The following LPIN3 variants were observed in gnomAD, a reference collection of about 807,000 sequenced individuals.
The protein encoded by LPIN3 is phosphatidate phosphatase LPIN3.
In LPIN3, 82 loss-of-function variants were observed where a neutral mutation model predicts 94.7. That is an observed-to-expected ratio of 0.87 (90% CI 0.72 to 1.04). LPIN3 has a LOEUF of 1.04. Ranked by LOEUF, LPIN3 falls within the 50% of genes least tolerant of loss-of-function variation. The pLI is 0.00. For synonymous variants in LPIN3, 418 were observed against 443.3 expected, an observed-to-expected ratio of 0.94 and a Z score of 0.72; for missense variants, 996 against 1,090.5, an observed-to-expected ratio of 0.91 and a Z score of 1.22.
At chr20:41,343,263 C>T (rs1290461617) in intron 1 of LPIN3, among the ~76,000 whole-genome samples, 5 of 152,224 alleles carry the variant, frequency 3.3e-5, no homozygotes, top group African/African-American at 9.6e-5. Context: ...GCCCCAACCC[C>T]GGCTCTGCCC....
rs1407169544 is a variant in LPIN3, at chr20:41,349,770, G to A, written c.639-4G>A. The A allele has an allele frequency of 2.5e-6, 4 of 1,612,082 alleles. No individual in the cohort carries two copies. The highest frequency in any genetic ancestry group is 3.4e-6 in the Non-Finnish European group (4 of 1,179,374). On this transcript the variant is annotated splice_region_variant and splice_polypyrimidine_tract_variant and intron_variant, in intron 5 of 19. Transcript: ENST00000373257. Reference sequence around the variant, plus strand: ...CTCAAGGCCTCTCAATATGTCTCCTGCAGCCTCTCAGCAGGTGAGCTAACA... The same window carrying A: ...CTCAAGGCCTCTCAATATGTCTCCTACAGCCTCTCAGCAGGTGAGCTAACA...
At chr20:41,345,085 C>T (rs1442568587) in intron 1 of LPIN3, among the ~76,000 whole-genome samples, 1 of 152,244 alleles carries the variant, frequency 6.6e-6, no homozygotes. Context: ...AGACACCTTC[C>T]AACTCACAGG....
At chr20:41,358,685 C>A (rs75320465) in intron 19 of LPIN3, 37 bp from the exon 20 acceptor site, 1 of 1,608,860 alleles carries the variant, frequency 6.2e-7, no homozygotes, top group Non-Finnish European at 8.5e-7. Context: ...CGTTTGGTGG[C>A]AGCTCAGGCT....
chr20:41,344,097 T>A (rs2045685149), intron 1 of LPIN3, among the ~76,000 whole-genome samples: 1 of 151,952 alleles, frequency 6.6e-6, no homozygotes, highest in Admixed American at 6.6e-5. Flanking sequence ...AAGAAAAATA[T>A]GCAGATGCTG....
intron 2 of LPIN3, 97 bp downstream of exon 2, chr20:41,346,092 A>C (rs988818553): frequency 1.6e-6 from 2 of 1,276,870 alleles, no homozygotes; most frequent in Admixed American, 2.2e-5. Flanking sequence ...GGCCTCCCTT[A>C]GGTGGGGATC....
In LPIN3 at chr20:41,348,812, C is replaced by G. The variant is rs1452652993; in HGVS notation, c.482C>G (p.Ser161Cys). ...AAAGAGGATGCAGTGGCAACTGATT[C>G]TAGTCCAGAGGAACTGGAGGCAGGC... The part of the protein sequence containing the change: ...KQKEDAVATD[S>C]SPEELEAGAE... Residue 161 changes from serine (S) to cysteine (C), a missense_variant, in exon 4 of 20, where the codon TCT (serine) becomes TGT (cysteine). Transcript: ENST00000373257. 2.5e-6 allele frequency: 4 copies of G among 1,611,658 alleles called. No homozygotes were observed. The Admixed American group carries it at 6.7e-5, about 27-fold the overall frequency.
intron 1 of LPIN3, among the ~76,000 whole-genome samples, chr20:41,341,829 T>C (rs1379020779): frequency 6.6e-6 from 1 of 151,938 alleles, no homozygotes; most frequent in African/African-American, 2.4e-5. Flanking sequence ...TACAAAAAAT[T>C]AGCCGGGTGT....
At position 41,352,211 on chromosome 20, in the gene LPIN3, A is replaced by C. The variant is rs2046045342; in HGVS notation, c.1354A>C (p.Ile452Leu). Reference sequence around the variant, plus strand: ...TGGTGGACTGGCTGACAGCCGGGACATCTCCCTAGGTATGTTCGACCATGG... The same window carrying C: ...TGGTGGACTGGCTGACAGCCGGGACCTCTCCCTAGGTATGTTCGACCATGG... ...LCGGLADSRD[I>L]SLEKFNQHSV... The change falls in exon 9 of 20, where the codon ATC becomes CTC. Residue 452 changes from isoleucine (I) to leucine (L), a missense_variant. Transcript: ENST00000373257. The C allele has an allele frequency of 6.2e-7, 1 of 1,614,040 alleles. No individual in the cohort carries two copies. The highest frequency in any genetic ancestry group is 8.5e-7 in the Non-Finnish European group (1 of 1,180,032).
In LPIN3 at chr20:41,352,801, T is replaced by C. The variant is rs2046074823; in HGVS notation, c.1461T>C (p.His487=). 6.8e-6 allele frequency: 11 copies of C among 1,614,148 alleles called. No homozygotes were observed. The highest frequency in any genetic ancestry group is 9.3e-6 in the Non-Finnish European group (11 of 1,180,020). The change falls in exon 11 of 20, where the codon CAT becomes CAC. Residue 487 remains histidine (H), a synonymous_variant. Transcript: ENST00000373257. Reference sequence around the variant, plus strand: ...ATGCCCTGTTCTGTCTCTCTAGGCATTATAACTGGGCTGTGGCTGCCCCCA... The same window carrying C: ...ATGCCCTGTTCTGTCTCTCTAGGCACTATAACTGGGCTGTGGCTGCCCCCA... ...PNLVVKINGK[H]YNWAVAAPMI...
chr20:41,347,276 G>C (rs754683565), intron 2 of LPIN3, among the ~76,000 whole-genome samples: 1 of 152,214 alleles, frequency 6.6e-6, no homozygotes, highest in African/African-American at 2.4e-5. Context: ...CAAGAAGACC[G>C]AGACAGTGAC....
In LPIN3 at chr20:41,355,945, G is replaced by A. The variant is rs751703541; in HGVS notation, c.1714G>A (p.Val572Met). The A allele has an allele frequency of 6.2e-7, 1 of 1,614,140 alleles. No individual in the cohort carries two copies. Among genetic ancestry groups the A allele is most frequent in the South Asian group, 1.1e-5 (1 of 91,086 alleles). Residue 572 changes from valine to methionine, a missense_variant, in exon 14 of 20, where the codon GTG becomes ATG. Physicochemically the swap from Val to Met is conservative, Grantham distance 21. Transcript: ENST00000373257. ...TGATGACGATGCCCCAGACAGCCCTGTGATCCTGGAGATCCCCTCCTTGCC... is the reference window on the plus strand; with the variant it reads ...TGATGACGATGCCCCAGACAGCCCTATGATCCTGGAGATCCCCTCCTTGCC... Reference protein sequence around the residue: ...SSDDDAPDSPVILEIPSLPPS... With the variant: ...SSDDDAPDSPMILEIPSLPPS...
rs1568998993 is a variant in LPIN3 at position 41,350,115 on chromosome 20, TCTC to T, written c.827_829del (p.Pro276del). ...CCTTGAAGGCAGAGCTGGGGCAACC[TCTC>T]CTCCTCGGGGAGGACCCAGCACTCC... On this transcript the variant is annotated inframe_deletion, in exon 7 of 20. Coordinates refer to ENST00000373257, the MANE Select transcript of LPIN3 (RefSeq NM_022896.3). The T allele has an allele frequency of 1.2e-6, 2 of 1,611,614 alleles. No individual in the cohort carries two copies. The highest frequency in any genetic ancestry group is 1.7e-6 in the Non-Finnish European group (2 of 1,179,066).
chr20:41,352,286 G>T, intron 9 of LPIN3, 66 bp downstream of exon 9: 1 of 1,578,074 alleles, frequency 6.3e-7, no homozygotes, highest in South Asian at 1.1e-5. Flanking sequence ...GGGAGGGCAG[G>T]GAAGACTGTG....
rs79571253 is a variant in LPIN3, at chr20:41,349,228, A to G, written c.638+56A>G. Reference sequence around the variant, plus strand: ...CTCCAGATCAAGGTCTGAGGTTTCCATTTGCATTTTTCCTGATGACTAATG... The same window carrying G: ...CTCCAGATCAAGGTCTGAGGTTTCCGTTTGCATTTTTCCTGATGACTAATG... On this transcript the variant is annotated intron_variant, in intron 5 of 19. Transcript: ENST00000373257. 64,755 of 1,507,736 alleles carry G rather than the reference A, an allele frequency of 0.043. 7,213 individuals carry two copies. The East Asian group carries it at 0.5, about 12-fold the overall frequency. 93.4% of individuals were successfully genotyped at this position (1,507,736 alleles called of 1,614,324 possible).
chr20:41,349,247 A>T, intron 5 of LPIN3, 75 bp downstream of exon 5: 2 of 1,274,426 alleles, frequency 1.6e-6, no homozygotes, highest in Admixed American at 3.7e-5. Context: ...TTTCCTGATG[A>T]CTAATGACAC....
At chr20:41,354,576 C>T (rs781738552) in intron 11 of LPIN3, 69 bp from the exon 12 acceptor site, 53 of 1,458,260 alleles carry the variant, frequency 3.6e-5, no homozygotes, top group Middle Eastern at 1.8e-4. Flanking sequence ...TGGAGGGTCC[C>T]AAGAACAACG....
At chr20:41,349,536 TC>T (rs2045922471) in intron 5 of LPIN3, among the ~76,000 whole-genome samples, 2 of 151,886 alleles carry the variant, frequency 1.3e-5, no homozygotes, top group Admixed American at 1.3e-4. Context: ...TTTCCTTCCT[TC>T]CCTTCCTTCC....
chr20:41,355,195 G>A (rs908505971), intron 13 of LPIN3, among the ~76,000 whole-genome samples: 3 of 152,142 alleles, frequency 2.0e-5, no homozygotes, highest in African/African-American at 7.2e-5. Flanking sequence ...TGTATTTTTA[G>A]TGAGACAGGG....
intron 7 of LPIN3, 24 bp downstream of exon 7, chr20:41,350,421 A>T: frequency 1.3e-6 from 2 of 1,522,070 alleles, no homozygotes; most frequent in African/African-American, 1.4e-5. Flanking sequence ...GGTCTCTCCC[A>T]CTGCCTCCCT....
Sources: allele counts gnomAD v4.1 joint callset (sites outside exome capture counted in the v4.1 genomes callset), GRCh38; gene constraint gnomAD v4.1.1; transcripts MANE v1.5; gene names NCBI Gene and HGNC (gene_info 2026-07-23, HGNC 2026-07-21).